PCDH15: variants seen among roughly 807,000 people sequenced by gnomAD.
PCDH15 encodes protocadherin related 15, also known as protocadherin-15.
A neutral mutation model predicts 178.5 loss-of-function variants in PCDH15; 129 were observed. The observed-to-expected ratio is 0.72, with a 90% CI of 0.63 to 0.84. The LOEUF (loss-of-function observed/expected upper bound fraction) is 0.84. Ranked by LOEUF, PCDH15 falls within the 40% of genes least tolerant of loss-of-function variation. The probability of loss-of-function intolerance (pLI) is 0.00; values close to 1 mark genes in which losing one functional copy is unlikely to be tolerated. For missense variants in PCDH15, 2,230 were observed against 2,099.9 expected (o/e 1.06, Z -1.21); for synonymous variants, 800 against 732.0 (o/e 1.09, Z -1.50).
At chr10:54,568,721 T>C (rs975573369) in intron 2 of PCDH15, 10 of 152,146 alleles carry the variant, frequency 6.6e-5, no homozygotes, top group African/African-American at 1.9e-4. Context: ...CAGAACTTCA[T>C]ATAAATGAAA....
chr10:53,821,649 T>C (rs2076274765), intron 32 of PCDH15: 1 of 1,336,750 alleles, frequency 7.5e-7, no homozygotes. Context: ...TGCTACTTTG[T>C]AGTTTTTAAA....
intron 3 of PCDH15, among the ~76,000 whole-genome samples, chr10:54,852,996 C>T (rs1292828417): frequency 2.0e-5 from 3 of 151,394 alleles, no homozygotes; most frequent in Non-Finnish European, 4.4e-5. Flanking sequence ...TGCAATGGCT[C>T]ACGCCTGTAA....
At chr10:54,494,023 G>A (rs1043767640) in intron 3 of PCDH15, among the ~76,000 whole-genome samples, 1 of 150,378 alleles carries the variant, frequency 6.6e-6, no homozygotes, top group African/African-American at 2.5e-5. Flanking sequence ...ACTCATAGGT[G>A]GGAATTGAAC....
At chr10:55,248,055 T>G (rs1193966081) in intron 1 of PCDH15, among the ~76,000 whole-genome samples, 3 of 151,128 alleles carry the variant, frequency 2.0e-5, no homozygotes, top group African/African-American at 7.3e-5. Context: ...TATATTTATA[T>G]GTACAATTGT....
chr10:55,510,865 T>C (rs2132151354), intron 2 of PCDH15, among the ~76,000 whole-genome samples: 1 of 149,666 alleles, frequency 6.7e-6, no homozygotes, highest in Middle Eastern at 3.6e-3. Flanking sequence ...TATATATACA[T>C]ACACACACAC....
At chr10:54,733,850 TTTTA>T (rs1943722944) in intron 1 of PCDH15, among the ~76,000 whole-genome samples, 3 of 148,676 alleles carry the variant, frequency 2.0e-5, no homozygotes, top group Non-Finnish European at 4.5e-5. Flanking sequence ...AAAGACTTAA[TTTTA>T]AATAAATAGT....
rs116547228 is a variant in PCDH15, at chr10:54,288,629, C to A, written c.876+28642G>T. On this transcript the variant is annotated intron_variant, in intron 8 of 37. Transcript: ENST00000644397. ...CCTAGCCAAGGGAAGATGTGACATA[C>A]TGTACCTGGAAAAATGGGACACTCC... is the stretch of plus-strand genomic sequence containing the variant. Among the ~76,000 whole-genome samples the A allele has an allele frequency of 4.9e-3, 753 of 152,322 alleles. 6 individuals are homozygous for A. Among genetic ancestry groups the A allele is most frequent in the African/African-American group, 0.017 (709 of 41,578 alleles).
At position 55,575,551 on chromosome 10, in the gene PCDH15, G is replaced by A. The variant is rs1236016883; in HGVS notation, c.-156+52074C>T. 2.6e-5 allele frequency: 4 copies of A among 152,106 alleles called. No homozygotes were observed. In the East Asian group the frequency reaches 5.8e-4, roughly 22 times the overall value. The allele number at this position is 152,106 out of a possible 1,614,324, so 9.4% of individuals were successfully genotyped here. On this transcript the variant is annotated intron_variant, in intron 2 of 5. Coordinates refer to the PCDH15 transcript ENST00000613346. ...TTATGTCCTTAGTTTGTAACGAAGT[G>A]TCTATAAAAGACTAGTCTTTCAGAG... is the stretch of plus-strand genomic sequence containing the variant.
At chr10:54,740,482 T>C (rs546021796) in intron 1 of PCDH15, among the ~76,000 whole-genome samples, 2 of 151,902 alleles carry the variant, frequency 1.3e-5, no homozygotes, top group Admixed American at 1.3e-4. Flanking sequence ...TACTGAAAAC[T>C]GAAAATAGAA....
intron 2 of PCDH15, among the ~76,000 whole-genome samples, chr10:55,559,895 T>G (rs1461701061): frequency 6.6e-6 from 1 of 151,934 alleles, no homozygotes. Flanking sequence ...AAAAGACTCT[T>G]ACAAACACTG....
intron 2 of PCDH15, among the ~76,000 whole-genome samples, chr10:55,359,070 T>C (rs973853827): frequency 2.2e-4 from 33 of 151,994 alleles, no homozygotes; most frequent in African/African-American, 7.2e-4. Context: ...TAGTGGCACA[T>C]GCCTGGAGTC....
intron 2 of PCDH15, among the ~76,000 whole-genome samples, chr10:55,443,336 T>A (rs1263526946): frequency 6.6e-6 from 1 of 152,026 alleles, no homozygotes; most frequent in African/African-American, 2.4e-5. Context: ...GAAACTATCA[T>A]CAGTGTGAAC....
At chr10:54,261,962 G>T (rs1217601393) in intron 8 of PCDH15, among the ~76,000 whole-genome samples, 1 of 152,088 alleles carries the variant, frequency 6.6e-6, no homozygotes, top group African/African-American at 2.4e-5. Context: ...AAGAAATGGG[G>T]CAGTCTGCTC....
At chr10:54,589,937 A>G (rs1400092525) in intron 2 of PCDH15, among the ~76,000 whole-genome samples, 1 of 152,074 alleles carries the variant, frequency 6.6e-6, no homozygotes, top group Non-Finnish European at 1.5e-5. Flanking sequence ...CTTGACATGA[A>G]ATTCTGTGTA....
chr10:53,967,821 A>G (rs2089205897), intron 21 of PCDH15, among the ~76,000 whole-genome samples: 1 of 152,178 alleles, frequency 6.6e-6, no homozygotes. Flanking sequence ...ATAGCTGTAT[A>G]TATGTCAAGA....
chr10:54,494,117 A>G (rs567768614), intron 3 of PCDH15, among the ~76,000 whole-genome samples: 17 of 151,862 alleles, frequency 1.1e-4, no homozygotes, highest in African/African-American at 3.6e-4. Context: ...GGATAGCATT[A>G]GGAGATATAC....
At chr10:54,409,694 T>G (rs567069493) in intron 3 of PCDH15, among the ~76,000 whole-genome samples, 1 of 152,264 alleles carries the variant, frequency 6.6e-6, no homozygotes, top group Admixed American at 6.5e-5. Flanking sequence ...TTTTGTGTAT[T>G]GGAAACTAAA....
At chr10:53,939,611 CTTTG>C (rs1048307218) in intron 24 of PCDH15, among the ~76,000 whole-genome samples, 48 of 151,942 alleles carry the variant, frequency 3.2e-4, no homozygotes, top group African/African-American at 9.9e-4. Flanking sequence ...CTATATATTT[CTTTG>C]TTTAATAATT....
intron 1 of PCDH15, among the ~76,000 whole-genome samples, chr10:55,277,850 C>T (rs566667787): frequency 2.7e-4 from 41 of 152,162 alleles, no homozygotes; most frequent in African/African-American, 9.9e-4. Context: ...CATTAGAGGA[C>T]AAATTACCAC....
Sources: allele counts gnomAD v4.1 joint callset (sites outside exome capture counted in the v4.1 genomes callset), GRCh38; gene constraint gnomAD v4.1.1; transcripts MANE v1.5; gene names NCBI Gene and HGNC (gene_info 2026-07-23, HGNC 2026-07-21).